Variants in COL22A1 observed in about 807,000 individuals in gnomAD.
COL22A1 encodes collagen alpha-1(XXII) chain.
Under a neutral mutation model 248.9 loss-of-function variants are expected in COL22A1, and 221 were observed. The ratio of observed to expected loss-of-function variants is 0.89; its 90% CI spans 0.80 to 0.99. The LOEUF is 0.99. COL22A1 is among the 50% of genes least tolerant of loss of function. The pLI, the probability that COL22A1 is intolerant of heterozygous loss-of-function variation, is 0.00. For missense variants in COL22A1, 2,240 were observed against 2,179.0 expected, an observed-to-expected ratio of 1.03 and a Z score of -0.56; for synonymous variants, 891 against 793.4, an observed-to-expected ratio of 1.12 and a Z score of -2.07.
intron 3 of COL22A1, among the ~76,000 whole-genome samples, chr8:138,848,500 G>A (rs974443431): frequency 3.9e-5 from 6 of 152,134 alleles, no homozygotes; most frequent in Admixed American, 1.3e-4. Context: ...GTCCATTAGG[G>A]GAGGAAAAGG....
chr8:138,785,891 G>A (rs1186674834), intron 12 of COL22A1, among the ~76,000 whole-genome samples: 1 of 152,180 alleles, frequency 6.6e-6, no homozygotes, highest in Admixed American at 6.5e-5. Context: ...CTAGAGCCCT[G>A]TGGGCTTGTA....
chr8:138,815,105 G>A lies in COL22A1; in HGVS notation c.1246-2086C>T, dbSNP rs1448857304. Among the ~76,000 whole-genome samples the A allele has an allele frequency of 7.9e-5, 12 of 152,136 alleles. 1 individual carries two copies. Among genetic ancestry groups the A allele is most frequent in the Non-Finnish European group, 1.8e-4 (12 of 68,026 alleles). ...CTGTTGCCATGTAAGATGTGACTTT[G>A]CTCCTCATTCACCTTCCACCATGAT... On this transcript the variant is annotated intron_variant, in intron 7 of 64. Coordinates refer to ENST00000303045, the MANE Select transcript of COL22A1 (RefSeq NM_152888.3).
At chr8:138,690,717 A>G in intron 36 of COL22A1, 104 bp downstream of exon 36, 2 of 838,368 alleles carry the variant, frequency 2.4e-6, no homozygotes, top group South Asian at 4.6e-5. Flanking sequence ...GGGAGTAAGG[A>G]TCCTCCCCTT....
rs779419696 is a variant in COL22A1 at position 138,878,331 on chromosome 8, G to A, written c.92-15C>T. 9 of 1,511,000 alleles carry A rather than the reference G, an allele frequency of 6.0e-6. No homozygotes were observed. The South Asian group carries it at 1.1e-4, about 18-fold the overall frequency. The allele number at this position is 1,511,000 out of a possible 1,614,324, so 93.6% of individuals were successfully genotyped here. On this transcript the variant is annotated splice_polypyrimidine_tract_variant and intron_variant, in intron 2 of 64. Transcript: ENST00000303045. ...ACTTTTGCAACCTGCAGGGGTGAGA[G>A]AAGGGGTGGCGTAGGGCAAATGGGC...
At chr8:138,668,955 G>A (rs1824764973) in intron 41 of COL22A1, among the ~76,000 whole-genome samples, 1 of 152,218 alleles carries the variant, frequency 6.6e-6, no homozygotes, top group East Asian at 1.9e-4. Context: ...AGAGGATGAG[G>A]CAGAGATGTC....
chr8:138,853,479 C>T (rs1489962367), intron 3 of COL22A1, among the ~76,000 whole-genome samples: 1 of 152,188 alleles, frequency 6.6e-6, no homozygotes, highest in Admixed American at 6.5e-5. Flanking sequence ...TTTTTAAAAA[C>T]TTTTAAGAAG....
At position 138,695,587 on chromosome 8, in the gene COL22A1, T is replaced by C. The variant is rs555441748; in HGVS notation, c.2593-708A>G. ...TGGGGACAGACTGGGGGTTGAACCC[T>C]AGACTCTGGGTGGTCAGAATGGTGT... is the stretch of plus-strand genomic sequence containing the variant. On this transcript the variant is annotated intron_variant, in intron 32 of 64. Transcript: ENST00000303045. 3.9e-5 allele frequency among the ~76,000 whole-genome samples: 6 copies of C among 152,068 alleles called. No individual in the cohort carries two copies. The South Asian group carries it at 1.2e-3, about 32-fold the overall frequency.
chr8:138,588,818 A>G lies in COL22A1; in HGVS notation c.*435T>C, dbSNP rs1331661196. 6.5e-6 allele frequency: 1 copy of G among 153,756 alleles called. No individual in the cohort carries two copies. Among genetic ancestry groups the G allele is most frequent in the Non-Finnish European group, 1.4e-5 (1 of 69,058 alleles). The allele number at this position is 153,756 out of a possible 1,614,324, so 9.5% of individuals were successfully genotyped here. Reference sequence around the variant, plus strand: ...GAAGCCCATTGGCTCATTTTCTTAAAGTTTTTCTTTTGAAGAAAGAGGTAA... The same window carrying G: ...GAAGCCCATTGGCTCATTTTCTTAAGGTTTTTCTTTTGAAGAAAGAGGTAA... On this transcript the variant is annotated 3_prime_UTR_variant, in exon 65 of 65. Transcript: ENST00000303045.
intron 11 of COL22A1, among the ~76,000 whole-genome samples, chr8:138,799,496 C>G (rs1174851913): frequency 6.6e-6 from 1 of 152,172 alleles, no homozygotes; most frequent in East Asian, 1.9e-4. Flanking sequence ...TATTTGCTCA[C>G]TGACTTGGCT....
rs200631977 is a variant in COL22A1 at position 138,616,933 on chromosome 8, G to C, written c.3851C>G (p.Ser1284Cys). Residue 1284 changes from serine (S) to cysteine (C), a missense_variant, in exon 54 of 65, where the codon TCT becomes TGT. Transcript: ENST00000303045. ...PPGFKGHTGD[S>C]GAPGPRGESG... ...ACTTACCCGGGGACCGGGTGCACCAGAATCGCCTGTGTGTCCCTTGAAGCC... is the reference window on the plus strand; with the variant it reads ...ACTTACCCGGGGACCGGGTGCACCACAATCGCCTGTGTGTCCCTTGAAGCC... 464 of 1,614,058 alleles carry C rather than the reference G, an allele frequency of 2.9e-4. No homozygotes were observed. The highest frequency in any genetic ancestry group is 3.8e-4 in the Non-Finnish European group (454 of 1,180,042).
chr8:138,694,957 G>A (rs1827385587), intron 32 of COL22A1, 78 bp from the exon 33 acceptor site: 17 of 1,386,748 alleles, frequency 1.2e-5, no homozygotes, highest in African/African-American at 4.3e-5. Flanking sequence ...CCCCAGCTCC[G>A]GACACACAGG....
Position 138,795,988 on chromosome 8 carries a change from C to T in COL22A1, c.1596+831G>A, listed in dbSNP as rs1317115. ...AACAGCACTATGTTTTGAGTCCACG[C>T]GTGCCTGTACTCCAGTGAAAGTATC... On this transcript the variant is annotated intron_variant, in intron 12 of 64. Coordinates refer to ENST00000303045, the MANE Select transcript of COL22A1 (RefSeq NM_152888.3). Among the ~76,000 whole-genome samples, 11 of 152,246 alleles carry T rather than the reference C, an allele frequency of 7.2e-5. No homozygotes were observed. In the South Asian group the frequency reaches 1.7e-3, roughly 23 times the overall value.
At position 138,821,385 on chromosome 8, in the gene COL22A1, G is replaced by C. The variant is rs780376700; in HGVS notation, c.996C>G (p.Asn332Lys). ...PQVSIRLDGENKAVEYNAVGA... is the reference protein window; with the variant it reads ...PQVSIRLDGEKKAVEYNAVGA... ...CCACAGCGTTGTACTCGACTGCCTT[G>C]TTTTCACCATCCAGCCGGATGGAGA... is the stretch of plus-strand genomic sequence containing the variant. The change falls in exon 7 of 65, where the codon AAC becomes AAG. Residue 332 changes from asparagine (N) to lysine (K), a missense_variant. Coordinates refer to ENST00000303045, the MANE Select transcript of COL22A1 (RefSeq NM_152888.3). 2.5e-6 allele frequency: 4 copies of C among 1,613,460 alleles called. No individual in the cohort carries two copies. Among genetic ancestry groups the C allele is most frequent in the Admixed American group, 1.7e-5 (1 of 59,988 alleles).
intron 30 of COL22A1, among the ~76,000 whole-genome samples, chr8:138,706,952 G>T (rs1020865138): frequency 6.6e-6 from 1 of 152,100 alleles, no homozygotes; most frequent in Admixed American, 6.5e-5. Context: ...TGATAAAGGG[G>T]ATATCACCAC....
chr8:138,844,141 C>A lies in COL22A1; in HGVS notation c.676G>T (p.Val226Phe). The change falls in exon 4 of 65, where the codon GTT becomes TTT. Residue 226 changes from valine (V) to phenylalanine (F), a missense_variant. Transcript: ENST00000303045. ...RLCENVLCPS[V>F]RVEGDRFKHT... is the part of the protein sequence containing the mutation. ...TTAAAGCGATCTCCTTCTACACGAA[C>A]GCTAGGACAGAGCACATCTGAGGAA... 6.2e-7 allele frequency: 1 copy of A among 1,614,198 alleles called. No individual in the cohort carries two copies. The highest frequency in any genetic ancestry group is 1.3e-5 in the African/African-American group (1 of 75,050).
intron 25 of COL22A1, among the ~76,000 whole-genome samples, chr8:138,723,124 A>C (rs11775339): frequency 0.47 from 71,998 of 151,906 alleles, 17,414 homozygotes; most frequent in East Asian, 0.72. Flanking sequence ...TAGGGAAATC[A>C]TTTCCCCCAG....
intron 41 of COL22A1, among the ~76,000 whole-genome samples, chr8:138,671,854 T>C (rs1232252533): frequency 1.3e-5 from 2 of 152,238 alleles, no homozygotes; most frequent in African/African-American, 4.8e-5. Flanking sequence ...GTATTTTCTC[T>C]TCCTTATGAT....
At chr8:138,908,010 C>T (rs1012749893) in intron 1 of COL22A1, among the ~76,000 whole-genome samples, 1 of 152,178 alleles carries the variant, frequency 6.6e-6, no homozygotes, top group African/African-American at 2.4e-5. Flanking sequence ...CCTGTCCGTC[C>T]ATGCAGACAT....
chr8:138,733,339 CT>C (rs1563683315), intron 23 of COL22A1, among the ~76,000 whole-genome samples: 1 of 152,044 alleles, frequency 6.6e-6, no homozygotes, highest in Non-Finnish European at 1.5e-5. Flanking sequence ...ATATTTCATT[CT>C]GAAAGACAGG....
Sources: allele counts gnomAD v4.1 joint callset (sites outside exome capture counted in the v4.1 genomes callset), GRCh38; gene constraint gnomAD v4.1.1; transcripts MANE v1.5; gene names NCBI Gene and HGNC (gene_info 2026-07-23, HGNC 2026-07-21).